SPATA13: variants seen among roughly 807,000 people sequenced by gnomAD.
The protein encoded by SPATA13 is spermatogenesis associated 13.
Under a neutral mutation model 104.0 loss-of-function variants are expected in SPATA13, and 50 were observed. The observed-to-expected ratio is 0.48, with a 90% CI of 0.38 to 0.61. The LOEUF (loss-of-function observed/expected upper bound fraction) is 0.61. SPATA13 is among the 20% of genes least tolerant of loss of function. The pLI is 0.00. For missense variants in SPATA13, 1,524 were observed against 1,690.6 expected (o/e 0.90, Z 1.73); for synonymous variants, 606 against 667.5 (o/e 0.91, Z 1.42).
chr13:24,028,121 T>A (rs139389015), intron 3 of SPATA13, among the ~76,000 whole-genome samples: 1 of 152,350 alleles, frequency 6.6e-6, no homozygotes, highest in African/African-American at 2.4e-5. Context: ...TTAAAATTTA[T>A]GGGCTAATAC....
At chr13:24,027,822 G>T (rs951756041) in intron 3 of SPATA13, among the ~76,000 whole-genome samples, 1 of 152,150 alleles carries the variant, frequency 6.6e-6, no homozygotes, top group South Asian at 2.1e-4. Context: ...AGAAGAACAC[G>T]TGGTGTAGAT....
At position 24,128,658 on chromosome 13, in the gene SPATA13, A is replaced by G. The variant is rs542244055; in HGVS notation, c.-111-94161A>G. On this transcript the variant is annotated intron_variant, in intron 3 of 14. Coordinates refer to the SPATA13 transcript ENST00000424834. ...TGATGTGGACAGGCCTTGTTGTGGA[A>G]ACAGGACTCCCGGGAGCAAGAGAAC... Among the ~76,000 whole-genome samples, 11 of 152,132 alleles carry G rather than the reference A, an allele frequency of 7.2e-5. No individual in the cohort carries two copies. In the East Asian group the frequency reaches 1.4e-3, roughly 19 times the overall value.
At chr13:24,224,734 A>G (rs2138614890) in intron 2 of SPATA13, 152 bp downstream of exon 2, 1 of 786,678 alleles carries the variant, frequency 1.3e-6, no homozygotes, top group Non-Finnish European at 2.2e-6. Flanking sequence ...GGAGTTGTCA[A>G]GTTGCTGTTT....
At chr13:24,110,865 A>C (rs1880616494) in intron 3 of SPATA13, among the ~76,000 whole-genome samples, 2 of 152,182 alleles carry the variant, frequency 1.3e-5, no homozygotes. Flanking sequence ...ACCCCTGCTA[A>C]AGACTGAAAT....
At position 24,223,087 on chromosome 13, in the gene SPATA13, G is replaced by A. The variant is rs1163779954; in HGVS notation, c.158G>A (p.Gly53Asp). Residue 53 changes from glycine to aspartate, a missense_variant, in exon 2 of 13, where the codon GGC becomes GAC. Physicochemically the swap from Gly to Asp is moderately conservative, Grantham distance 94. Coordinates refer to ENST00000382108, the MANE Select transcript of SPATA13 (RefSeq NM_001166271.3). Reference sequence around the variant, plus strand: ...CTTGCGTGTGGAAATGGAGTCTGTGGCTGCAGCCCTGGTGGCGACACGGAC... The same window carrying A: ...CTTGCGTGTGGAAATGGAGTCTGTGACTGCAGCCCTGGTGGCGACACGGAC... ...TSLACGNGVCGCSPGGDTDTQ... is the reference protein window; with the variant it reads ...TSLACGNGVCDCSPGGDTDTQ... 3 of 1,551,732 alleles carry A rather than the reference G, an allele frequency of 1.9e-6. No homozygotes were observed. The highest frequency in any genetic ancestry group is 1.2e-5 in the South Asian group (1 of 84,068).
intron 3 of SPATA13, chr13:24,034,095 C>T (rs993219523): frequency 6.6e-6 from 1 of 152,100 alleles, no homozygotes; most frequent in Non-Finnish European, 1.5e-5. Context: ...CAGAAAAATT[C>T]CTCTAAGGAA....
At chr13:24,074,900 A>G (rs7983208) in intron 3 of SPATA13, among the ~76,000 whole-genome samples, 45,928 of 152,132 alleles carry the variant, frequency 0.3, 7,213 homozygotes, top group Middle Eastern at 0.35. Flanking sequence ...AGACACAGCT[A>G]GGCTGGGTGC....
chr13:23,992,634 G>A (rs754237371), intron 2 of SPATA13, among the ~76,000 whole-genome samples: 35 of 152,138 alleles, frequency 2.3e-4, no homozygotes, highest in Non-Finnish European at 4.6e-4. Context: ...GTCAATTTCC[G>A]GGACTCTCTT....
At chr13:24,045,474 C>CTG (rs10627896) in intron 3 of SPATA13, among the ~76,000 whole-genome samples, 150,023 of 152,296 alleles carry the variant, frequency 0.99, 73,931 homozygotes, top group East Asian at 1. Context: ...CCTAAACAAG[C>CTG]TAAGATTATT....
intron 3 of SPATA13, among the ~76,000 whole-genome samples, chr13:24,087,452 C>T (rs560842745): frequency 5.3e-5 from 8 of 152,334 alleles, no homozygotes; most frequent in African/African-American, 1.9e-4. Flanking sequence ...GATTGTGACC[C>T]TTAGCTATGG....
chr13:24,291,526 G>A (rs57153567), intron 9 of SPATA13, among the ~76,000 whole-genome samples: 25,264 of 152,128 alleles, frequency 0.17, 2,272 homozygotes, highest in Admixed American at 0.26. Flanking sequence ...GCCCTGAGCC[G>A]TTCCCTACCC....
At chr13:24,106,389 C>T (rs1880453684) in intron 3 of SPATA13, among the ~76,000 whole-genome samples, 2 of 152,156 alleles carry the variant, frequency 1.3e-5, no homozygotes, top group Admixed American at 6.5e-5. Flanking sequence ...CTGTTAGAAA[C>T]CAAAAGTTAT....
chr13:24,251,746 A>C lies in SPATA13; in HGVS notation c.2048A>C (p.His683Pro). 1 of 1,614,112 alleles carries C rather than the reference A, an allele frequency of 6.2e-7. No individual in the cohort carries two copies. Reference protein sequence around the residue: ...QPASRPPMPAHQVPPYKAVSA... With the variant: ...QPASRPPMPAPQVPPYKAVSA... The stretch of plus-strand genomic sequence containing the variant: ...GCTTCCAGGCCGCCCATGCCTGCTC[A>C]CCAGGTGCCACCCTACAAGGCTGTG... The change falls in exon 4 of 13, where the codon CAC becomes CCC. Residue 683 changes from histidine to proline, a missense_variant. Coordinates refer to ENST00000382108, the MANE Select transcript of SPATA13 (RefSeq NM_001166271.3).
chr13:24,270,624 A>G, intron 4 of SPATA13: 1 of 841,688 alleles, frequency 1.2e-6, no homozygotes, highest in East Asian at 2.7e-5. Flanking sequence ...TCTCTCCTGA[A>G]GTCCCCCGCA....
In SPATA13 at chr13:24,249,860, C is replaced by T; in HGVS notation, c.2019+18C>T. The T allele has an allele frequency of 6.4e-7, 1 of 1,569,530 alleles. No homozygotes were observed. Among genetic ancestry groups the T allele is most frequent in the Non-Finnish European group, 8.6e-7 (1 of 1,157,468 alleles). On this transcript the variant is annotated intron_variant, in intron 3 of 12. Transcript: ENST00000382108. ...TGACCCAAGTAAGATCTGGTGTGCA[C>T]TTCCCCAAGCCAGCAGAGGCCCTCC...
intron 3 of SPATA13, among the ~76,000 whole-genome samples, chr13:24,148,065 C>T (rs1881990515): frequency 6.6e-6 from 1 of 152,188 alleles, no homozygotes; most frequent in South Asian, 2.1e-4. Flanking sequence ...ATGTTGCGTA[C>T]AAATATCTGT....
chr13:24,003,574 A>T (rs887065186), intron 2 of SPATA13, among the ~76,000 whole-genome samples: 1 of 152,230 alleles, frequency 6.6e-6, no homozygotes, highest in Non-Finnish European at 1.5e-5. Context: ...AACAGAACTA[A>T]GATTAGAACC....
At chr13:23,981,914 C>T (rs752462270) in intron 1 of SPATA13, among the ~76,000 whole-genome samples, 1 of 152,290 alleles carries the variant, frequency 6.6e-6, no homozygotes, top group South Asian at 2.1e-4. Context: ...TCTGAAGTCA[C>T]GTATTTCTAA....
intron 3 of SPATA13, among the ~76,000 whole-genome samples, chr13:24,065,424 C>T (rs1285014628): frequency 1.3e-5 from 2 of 152,142 alleles, no homozygotes; most frequent in Non-Finnish European, 2.9e-5. Flanking sequence ...TAACAGATTC[C>T]AGGAAGCAGT....
Sources: gnomAD v4.1 joint callset for allele counts (sites outside exome capture counted in the v4.1 genomes callset) on GRCh38, gnomAD v4.1.1 for gene constraint, MANE v1.5 for transcripts, NCBI Gene and HGNC (gene_info 2026-07-23, HGNC 2026-07-21) for gene names.